The following RPS6KA5 variants were observed in gnomAD, a reference collection of about 807,000 sequenced individuals.
The protein encoded by RPS6KA5 is ribosomal protein S6 kinase A5.
In RPS6KA5, 27 loss-of-function variants were observed where a neutral mutation model predicts 85.5. That is an observed-to-expected ratio of 0.32 (90% CI 0.23 to 0.44). RPS6KA5 has a LOEUF of 0.44. Among genes scored for constraint, RPS6KA5 ranks in the 20% least tolerant of loss-of-function variants. The probability of loss-of-function intolerance (pLI) is 1.00; values close to 1 mark genes in which losing one functional copy is unlikely to be tolerated. For missense variants in RPS6KA5, 811 were observed against 980.9 expected (o/e 0.83, Z 2.31); for synonymous variants, 334 against 348.2 (o/e 0.96, Z 0.46).
intron 8 of RPS6KA5, among the ~76,000 whole-genome samples, chr14:90,904,089 AC>A (rs1165696920): frequency 2.0e-5 from 3 of 152,134 alleles, no homozygotes; most frequent in African/African-American, 7.2e-5. Context: ...AGCTGGGACT[AC>A]AGGCGACCGC....
At position 90,969,868 on chromosome 14, in the gene RPS6KA5, C is replaced by T. The variant is rs1286089; in HGVS notation, c.394+8438G>A. On this transcript the variant is annotated intron_variant, in intron 3 of 16. Coordinates refer to ENST00000614987, the MANE Select transcript of RPS6KA5 (RefSeq NM_004755.4). The stretch of plus-strand genomic sequence containing the variant: ...ACCACTTCTCTCTTTTTTTCTCTCT[C>T]TCTCTGCACTGTTACTTGGTCTTCT... Among the ~76,000 whole-genome samples, 1,489 of 152,138 alleles carry T rather than the reference C, an allele frequency of 9.8e-3. 25 individuals are homozygous for T. Among genetic ancestry groups the T allele is most frequent in the African/African-American group, 0.035 (1,433 of 41,492 alleles).
At position 90,871,843 on chromosome 14, in the gene RPS6KA5, T is replaced by G. The variant is rs2033132151; in HGVS notation, c.*231A>C. ...CTTTGCTCTTTCAAGAATAGTCTTGTTGGCATCATGCTAGGTTGCTAAAAA... is the reference window on the plus strand; with the variant it reads ...CTTTGCTCTTTCAAGAATAGTCTTGGTGGCATCATGCTAGGTTGCTAAAAA... On this transcript the variant is annotated 3_prime_UTR_variant, in exon 17 of 17. Transcript: ENST00000614987. 1 of 434,348 alleles carries G rather than the reference T, an allele frequency of 2.3e-6. No homozygotes were observed. The highest frequency in any genetic ancestry group is 4.2e-5 in the South Asian group (1 of 23,962). 26.9% of individuals were successfully genotyped at this position (434,348 alleles called of 1,614,324 possible). A position where few individuals can be genotyped will look rare whatever the true frequency, so the allele number is the denominator to read the frequency against.
chr14:90,876,454 T>C (rs1332841089), intron 14 of RPS6KA5, among the ~76,000 whole-genome samples: 2 of 152,356 alleles, frequency 1.3e-5, no homozygotes, highest in South Asian at 2.1e-4. Flanking sequence ...GCCATATGTT[T>C]GAAATCTATG....
At chr14:90,987,193 T>C (rs2040091249) in intron 2 of RPS6KA5, among the ~76,000 whole-genome samples, 1 of 152,208 alleles carries the variant, frequency 6.6e-6, no homozygotes, top group African/African-American at 2.4e-5. Context: ...TATAAATTTT[T>C]TGAATGACAA....
intron 3 of RPS6KA5, among the ~76,000 whole-genome samples, chr14:90,967,934 G>A (rs931446044): frequency 1.3e-5 from 2 of 152,066 alleles, no homozygotes; most frequent in East Asian, 1.9e-4. Flanking sequence ...TCTTTAAAGC[G>A]TGGTCTACAT....
chr14:91,024,588 C>T (rs968379240), intron 1 of RPS6KA5, among the ~76,000 whole-genome samples: 8 of 152,168 alleles, frequency 5.3e-5, no homozygotes, highest in African/African-American at 1.9e-4. Context: ...TTTCCTGTTT[C>T]TGCAAAAATG....
At chr14:91,017,930 G>A (rs2041574241) in intron 1 of RPS6KA5, among the ~76,000 whole-genome samples, 1 of 152,176 alleles carries the variant, frequency 6.6e-6, no homozygotes, top group Non-Finnish European at 1.5e-5. Context: ...TCAGGTGACT[G>A]ATCCTGAACT....
Position 90,869,871 on chromosome 14 carries a change from A to G in RPS6KA5, c.*2203T>C, listed in dbSNP as rs2032989115. 6.6e-6 allele frequency: 1 copy of G among 152,212 alleles called. No individual in the cohort carries two copies. Among genetic ancestry groups the G allele is most frequent in the Non-Finnish European group, 1.5e-5 (1 of 68,036 alleles). The allele number at this position is 152,212 out of a possible 1,614,324, so 9.4% of individuals were successfully genotyped here. A position where few individuals can be genotyped will look rare whatever the true frequency, so the allele number is the denominator to read the frequency against. On this transcript the variant is annotated 3_prime_UTR_variant, in exon 17 of 17. Coordinates refer to ENST00000614987, the MANE Select transcript of RPS6KA5 (RefSeq NM_004755.4). ...AACAGTGTTTGTTAAGGTCTTTTCA[A>G]AAGCCCATTTGAGATTATTCAGGCA...
intron 4 of RPS6KA5, among the ~76,000 whole-genome samples, chr14:90,945,376 A>G (rs2037820087): frequency 6.6e-6 from 1 of 152,250 alleles, no homozygotes; most frequent in Non-Finnish European, 1.5e-5. Flanking sequence ...TTGGAGCATT[A>G]TATGCATCTA....
intron 16 of RPS6KA5, among the ~76,000 whole-genome samples, chr14:90,873,116 C>A (rs17799519): frequency 0.2 from 31,159 of 152,160 alleles, 3,273 homozygotes; most frequent in Middle Eastern, 0.26. Context: ...CTATACTTCA[C>A]ATGAATTATC....
In RPS6KA5 at chr14:90,875,431, G is replaced by A. The variant is rs569303095; in HGVS notation, c.1837-71C>T. 72 of 1,374,948 alleles carry A rather than the reference G, an allele frequency of 5.2e-5. 1 individual carries two copies. The South Asian group carries it at 9.0e-4, about 17-fold the overall frequency. The allele number at this position is 1,374,948 out of a possible 1,614,324, so 85.2% of individuals were successfully genotyped here. A position where few individuals can be genotyped will look rare whatever the true frequency, so the allele number is the denominator to read the frequency against. ...TAAAGCCACTCTAATAATCCTAATA[G>A]TAACGTAACTGGTGTAATTTACCAA... On this transcript the variant is annotated intron_variant, in intron 14 of 16. Coordinates refer to ENST00000614987, the MANE Select transcript of RPS6KA5 (RefSeq NM_004755.4).
intron 1 of RPS6KA5, among the ~76,000 whole-genome samples, chr14:91,042,485 T>G (rs955314529): frequency 1.3e-5 from 2 of 152,150 alleles, no homozygotes; most frequent in Non-Finnish European, 2.9e-5. Flanking sequence ...CACTCCAGCC[T>G]GGGCACAGAG....
intron 1 of RPS6KA5, among the ~76,000 whole-genome samples, chr14:91,020,418 G>A (rs1288114509): frequency 6.6e-6 from 1 of 152,108 alleles, no homozygotes; most frequent in East Asian, 1.9e-4. Flanking sequence ...TATGTAGGAG[G>A]ATGTATAGAT....
intron 3 of RPS6KA5, among the ~76,000 whole-genome samples, chr14:90,968,233 A>C (rs1485338804): frequency 6.6e-6 from 1 of 151,896 alleles, no homozygotes; most frequent in Non-Finnish European, 1.5e-5. Context: ...CAGCTGAGTC[A>C]CTTCTCACAT....
At chr14:90,880,559 G>A (rs1016560933) in intron 14 of RPS6KA5, among the ~76,000 whole-genome samples, 6 of 152,086 alleles carry the variant, frequency 3.9e-5, no homozygotes, top group African/African-American at 1.2e-4. Flanking sequence ...TTTTAACTCT[G>A]TATGTGTCCA....
intron 13 of RPS6KA5, among the ~76,000 whole-genome samples, 195 bp from the exon 14 acceptor site, chr14:90,890,873 G>A (rs2034513400): frequency 6.6e-6 from 1 of 151,958 alleles, no homozygotes; most frequent in Non-Finnish European, 1.5e-5. Flanking sequence ...ATTTTACCAT[G>A]TCATGTGAAA....
chr14:90,936,778 A>T (rs147190060), intron 5 of RPS6KA5, among the ~76,000 whole-genome samples: 2 of 152,332 alleles, frequency 1.3e-5, no homozygotes, highest in Non-Finnish European at 2.9e-5. Context: ...AACATCAAAC[A>T]TACATAAAAA....
rs1182335734 is a variant in RPS6KA5, at chr14:90,870,219, TA to T, written c.*1854del. 1 of 152,212 alleles carries T rather than the reference TA, an allele frequency of 6.6e-6. No individual in the cohort carries two copies. Among genetic ancestry groups the T allele is most frequent in the Non-Finnish European group, 1.5e-5 (1 of 68,028 alleles). The allele number at this position is 152,212 out of a possible 1,614,324, so 9.4% of individuals were successfully genotyped here. A position where few individuals can be genotyped will look rare whatever the true frequency, so the allele number is the denominator to read the frequency against. ...GTTCCCAATATGTCCAATATAATTA[TA>T]AATATGGTCATTTTCTTGATTACTA... On this transcript the variant is annotated 3_prime_UTR_variant, in exon 17 of 17. Coordinates refer to ENST00000614987, the MANE Select transcript of RPS6KA5 (RefSeq NM_004755.4).
intron 2 of RPS6KA5, among the ~76,000 whole-genome samples, chr14:90,989,947 G>A (rs2040231964): frequency 1.3e-5 from 2 of 152,174 alleles, no homozygotes; most frequent in South Asian, 2.1e-4. Flanking sequence ...GATTGCAGAT[G>A]TGAAGGAAAA....
Sources: allele counts gnomAD v4.1 joint callset (sites outside exome capture counted in the v4.1 genomes callset), GRCh38; gene constraint gnomAD v4.1.1; transcripts MANE v1.5; gene names NCBI Gene and HGNC (gene_info 2026-07-23, HGNC 2026-07-21).